The following ZCCHC14 variants were observed in gnomAD, a reference collection of about 807,000 sequenced individuals.
ZCCHC14 encodes zinc finger CCHC-type containing 14.
A neutral mutation model predicts 85.0 loss-of-function variants in ZCCHC14; 16 were observed. The observed-to-expected ratio is 0.19, with a 90% CI of 0.13 to 0.29. The LOEUF (loss-of-function observed/expected upper bound fraction) is 0.29, where lower values mean the gene tolerates loss of function less well. Ranked by LOEUF, ZCCHC14 falls within the 10% of genes least tolerant of loss-of-function variation. ZCCHC14 has a pLI of 1.00. For missense variants in ZCCHC14, 1,303 were observed against 1,443.5 expected (o/e 0.90, Z 1.58); for synonymous variants, 775 against 630.7 (o/e 1.23, Z -3.43).
intron 4 of ZCCHC14, among the ~76,000 whole-genome samples, chr16:87,421,952 G>T (rs1007744379): frequency 3.9e-5 from 6 of 152,080 alleles, no homozygotes; most frequent in African/African-American, 7.2e-5. Context: ...GAATAAAGGG[G>T]GAAAAAACTA....
At chr16:87,449,180 T>G (rs1910578193) in intron 2 of ZCCHC14, among the ~76,000 whole-genome samples, 1 of 152,246 alleles carries the variant, frequency 6.6e-6, no homozygotes, top group African/African-American at 2.4e-5. Context: ...CTCTGCTGGT[T>G]GGCTGTTACA....
At position 87,412,744 on chromosome 16, in the gene ZCCHC14, G is replaced by A; in HGVS notation, c.1977C>T (p.Asp659=). The A allele has an allele frequency of 1.2e-6, 2 of 1,614,242 alleles. No homozygotes were observed. The highest frequency in any genetic ancestry group is 1.7e-6 in the Non-Finnish European group (2 of 1,180,044). ...GCACAGAAGACGAGAGGAGCTTCAT[G>A]TCCGCGCTCCCTCTTTCCGGCTTGT... ...SVHKPERGSA[D]MKLLSSSVHS... Residue 659 remains aspartate (D), a synonymous_variant, in exon 12 of 13, where the codon GAC becomes GAT. Transcript: ENST00000671377.
intron 1 of ZCCHC14, among the ~76,000 whole-genome samples, chr16:87,476,573 C>T (rs1419502646): frequency 6.6e-6 from 1 of 151,934 alleles, no homozygotes; most frequent in African/African-American, 2.4e-5. Flanking sequence ...TCAGTATCTA[C>T]AGTGTCATCT....
rs747516835 is a variant in ZCCHC14 at position 87,420,586 on chromosome 16, G to C, written c.950+21C>G. Reference sequence around the variant, plus strand: ...GTCCTTGCCAGCTGTGGACGCGCCGGGTGCCTGGTAAGGGCCTCACCTCAG... The same window carrying C: ...GTCCTTGCCAGCTGTGGACGCGCCGCGTGCCTGGTAAGGGCCTCACCTCAG... On this transcript the variant is annotated intron_variant, in intron 5 of 12. Coordinates refer to ENST00000671377, the MANE Select transcript of ZCCHC14 (RefSeq NM_015144.3). The surrounding 1 kb of genome is among the most constrained non-coding windows in gnomAD (Gnocchi z 5.0). 6.3e-7 allele frequency: 1 copy of C among 1,598,900 alleles called. No individual in the cohort carries two copies.
chr16:87,483,340 A>T (rs1226338891), intron 1 of ZCCHC14, among the ~76,000 whole-genome samples: 2 of 103,718 alleles, frequency 1.9e-5, no homozygotes, highest in Non-Finnish European at 4.0e-5. Context: ...AAAAAAAAAA[A>T]ATTAGCCAGG....
rs143291282 is a variant in ZCCHC14 at position 87,409,382 on chromosome 16, C to G, written c.*898G>C. 28 of 152,328 alleles carry G rather than the reference C, an allele frequency of 1.8e-4. No individual in the cohort carries two copies. The highest frequency in any genetic ancestry group is 6.3e-4 in the African/African-American group (26 of 41,556). 9.4% of individuals were successfully genotyped at this position (152,328 alleles called of 1,614,324 possible). ...CGTGCAGCATCCTCACAGCCACTCACAGAGCCGCGCTGTCGCCGTCCCCCC... is the reference window on the plus strand; with the variant it reads ...CGTGCAGCATCCTCACAGCCACTCAGAGAGCCGCGCTGTCGCCGTCCCCCC... On this transcript the variant is annotated 3_prime_UTR_variant, in exon 13 of 13. Transcript: ENST00000671377.
chr16:87,489,179 A>T (rs1382827858), intron 1 of ZCCHC14, among the ~76,000 whole-genome samples: 3 of 152,238 alleles, frequency 2.0e-5, no homozygotes, highest in Non-Finnish European at 2.9e-5. Flanking sequence ...AAGTTAAATG[A>T]ATGGGGCTGA....
At chr16:87,444,624 G>A (rs1394190497) in intron 2 of ZCCHC14, among the ~76,000 whole-genome samples, 1 of 152,192 alleles carries the variant, frequency 6.6e-6, no homozygotes, top group African/African-American at 2.4e-5. Flanking sequence ...AGCGTAGCAT[G>A]TTCCTGGCAA....
intron 2 of ZCCHC14, among the ~76,000 whole-genome samples, chr16:87,443,877 A>G (rs1910302700): frequency 6.6e-6 from 1 of 152,062 alleles, no homozygotes; most frequent in South Asian, 2.1e-4. Flanking sequence ...TCTCTACTAA[A>G]AATACAAAAA....
chr16:87,459,530 A>C (rs1911150954), intron 2 of ZCCHC14, among the ~76,000 whole-genome samples: 1 of 141,534 alleles, frequency 7.1e-6, no homozygotes, highest in Admixed American at 7.0e-5. Context: ...TTTTTTTCAG[A>C]CGGAGTTTTG....
chr16:87,479,777 C>A (rs1310273636), intron 1 of ZCCHC14, among the ~76,000 whole-genome samples: 1 of 152,156 alleles, frequency 6.6e-6, no homozygotes, highest in African/African-American at 2.4e-5. Context: ...CCACAGGAGA[C>A]AAGGCCACCA....
At chr16:87,438,693 C>T (rs1910046955) in intron 2 of ZCCHC14, among the ~76,000 whole-genome samples, 1 of 152,204 alleles carries the variant, frequency 6.6e-6, no homozygotes, top group African/African-American at 2.4e-5. Flanking sequence ...AAGGGCCCTG[C>T]TGGGGCATTC....
rs1186082322 is a variant in ZCCHC14, at chr16:87,492,299, C to G, written c.-61G>C. On this transcript the variant is annotated 5_prime_UTR_variant, in exon 1 of 13. Coordinates refer to ENST00000671377, the MANE Select transcript of ZCCHC14 (RefSeq NM_015144.3). This position sits in a 1 kb window ranked among gnomAD's most constrained non-coding sequence, Gnocchi z 6.7. ...GGACCGCGCGGGGGCGGCCGGGGGG[C>G]GCCGGGGGCCGCGGCCGGGGCGCGC... The G allele has an allele frequency of 3.3e-6, 3 of 910,310 alleles. No individual in the cohort carries two copies. Among genetic ancestry groups the G allele is most frequent in the Non-Finnish European group, 3.9e-6 (3 of 765,616 alleles). 56.4% of individuals were successfully genotyped at this position (910,310 alleles called of 1,614,324 possible).
chr16:87,478,155 A>C (rs770812293), intron 1 of ZCCHC14, among the ~76,000 whole-genome samples: 3 of 152,226 alleles, frequency 2.0e-5, no homozygotes, highest in East Asian at 3.8e-4. Flanking sequence ...CCACCTATTT[A>C]AAAAACAACC....
intron 2 of ZCCHC14, among the ~76,000 whole-genome samples, chr16:87,441,413 T>C (rs767467460): frequency 1.4e-4 from 22 of 152,236 alleles, no homozygotes; most frequent in South Asian, 6.2e-4. Context: ...TGTACAAAAA[T>C]CTTTTATTAA....
chr16:87,458,682 G>T (rs1217074669), intron 2 of ZCCHC14, among the ~76,000 whole-genome samples: 3 of 152,218 alleles, frequency 2.0e-5, no homozygotes, highest in Non-Finnish European at 4.4e-5. Flanking sequence ...AAGGCACGAA[G>T]CGCCGTGCCA....
intron 2 of ZCCHC14, among the ~76,000 whole-genome samples, chr16:87,457,149 C>T (rs528529199): frequency 6.6e-6 from 1 of 152,324 alleles, no homozygotes; most frequent in African/African-American, 2.4e-5. Flanking sequence ...TGCAGCCAGG[C>T]ACTGGGTACG....
chr16:87,478,667 C>T (rs559017745), intron 1 of ZCCHC14, among the ~76,000 whole-genome samples: 9 of 151,114 alleles, frequency 6.0e-5, no homozygotes, highest in Non-Finnish European at 1.3e-4. Flanking sequence ...AGTGCAGTGG[C>T]GCCATCTTGG....
chr16:87,407,351 C>G lies in ZCCHC14; in HGVS notation c.*2929G>C, dbSNP rs759564863. 23 of 152,190 alleles carry G rather than the reference C, an allele frequency of 1.5e-4. No individual in the cohort carries two copies. Among genetic ancestry groups the G allele is most frequent in the Non-Finnish European group, 2.5e-4 (17 of 68,042 alleles). 9.4% of individuals were successfully genotyped at this position (152,190 alleles called of 1,614,324 possible). ...AAATACCCAATCACATATATGCATT[C>G]AAGAAAATATTTTGTCTTTATTTTT... On this transcript the variant is annotated 3_prime_UTR_variant, in exon 13 of 13. Coordinates refer to ENST00000671377, the MANE Select transcript of ZCCHC14 (RefSeq NM_015144.3).
Sources: gnomAD v4.1 joint callset for allele counts (sites outside exome capture counted in the v4.1 genomes callset) on GRCh38, gnomAD v4.1.1 for gene constraint, Gnocchi (gnomAD v3.1) non-coding constraint, MANE v1.5 for transcripts, NCBI Gene and HGNC (gene_info 2026-07-23, HGNC 2026-07-21) for gene names.